GALNT16: variants seen among roughly 807,000 people sequenced by gnomAD.
The protein encoded by GALNT16 is polypeptide N-acetylgalactosaminyltransferase 16.
GALNT16 carries 40 observed loss-of-function variants against 76.1 expected under a neutral mutation model. The observed-to-expected ratio is 0.53, with a 90% CI of 0.41 to 0.68. GALNT16 has a LOEUF of 0.68. GALNT16 is among the 30% of genes least tolerant of loss of function. The pLI, the probability that GALNT16 is intolerant of heterozygous loss-of-function variation, is 0.00. For missense variants in GALNT16, 621 were observed against 731.9 expected (o/e 0.85, Z 1.75); for synonymous variants, 276 against 285.2 (o/e 0.97, Z 0.32).
At chr14:69,363,723 G>A in the GALNT16 span, among the ~76,000 whole-genome samples, 2 of 146,632 alleles carry the variant, frequency 1.4e-5, no homozygotes, top group Non-Finnish European at 3.0e-5. Flanking sequence ...GAGGCAAGAT[G>A]AGCCTCTCCT....
In GALNT16 at chr14:69,339,491, C is replaced by G. The variant is rs750146217; in HGVS notation, c.1095-36C>G. ...CCTGACCGCTAACCCTGTTGCTTCC[C>G]TGGTGACCTTATTTTGCTCTTTCCT... is the stretch of plus-strand genomic sequence containing the variant. On this transcript the variant is annotated intron_variant, in intron 10 of 14. Transcript: ENST00000448469. 9 of 1,276,030 alleles carry G rather than the reference C, an allele frequency of 7.1e-6. 1 individual carries two copies. In the South Asian group the frequency reaches 1.1e-4, roughly 15 times the overall value. 79.0% of individuals were successfully genotyped at this position (1,276,030 alleles called of 1,614,324 possible).
At chr14:69,267,720 A>G (rs2044358759) in intron 1 of GALNT16, among the ~76,000 whole-genome samples, 1 of 152,090 alleles carries the variant, frequency 6.6e-6, no homozygotes, top group South Asian at 2.1e-4. Context: ...AAGTGATCCC[A>G]CTTCTAGGCT....
At chr14:69,291,083 G>T (rs1426488432) in intron 1 of GALNT16, among the ~76,000 whole-genome samples, 1 of 152,224 alleles carries the variant, frequency 6.6e-6, no homozygotes, top group Non-Finnish European at 1.5e-5. Flanking sequence ...TTGAGGCCAG[G>T]AGTTCGAGAC....
chr14:69,295,540 C>T (rs1049406904), intron 1 of GALNT16, among the ~76,000 whole-genome samples: 1 of 151,648 alleles, frequency 6.6e-6, no homozygotes, highest in African/African-American at 2.4e-5. Context: ...GCCAACATAG[C>T]GAAACTCTGT....
upstream of GALNT16, chr14:69,259,690 A>C (rs2044232177): frequency 2.0e-5 from 3 of 152,786 alleles, no homozygotes; most frequent in African/African-American, 7.2e-5. Context: ...CGCCGAACAC[A>C]CCTTGAATCC....
chr14:69,299,455 A>G (rs1369427987), intron 1 of GALNT16, among the ~76,000 whole-genome samples: 1 of 152,184 alleles, frequency 6.6e-6, no homozygotes, highest in East Asian at 1.9e-4. Context: ...GAGATGCTCC[A>G]CTGTGATGGT....
chr14:69,367,654 A>AG, the GALNT16 span, among the ~76,000 whole-genome samples: 2 of 151,604 alleles, frequency 1.3e-5, no homozygotes, highest in Non-Finnish European at 2.9e-5. Context: ...CAAAAAAAAA[A>AG]AAAAAGAAAA....
At chr14:69,282,553 T>A (rs897130644) in intron 1 of GALNT16, among the ~76,000 whole-genome samples, 2 of 152,156 alleles carry the variant, frequency 1.3e-5, no homozygotes, top group Non-Finnish European at 2.9e-5. Flanking sequence ...ATAAGGATAA[T>A]GTGAACATGG....
chr14:69,351,853 A>T, intron 14 of GALNT16, 178 bp from the exon 15 acceptor site: 1 of 570,644 alleles, frequency 1.8e-6, no homozygotes, highest in East Asian at 3.2e-5. Context: ...TCGAGGCTGC[A>T]GTGAGCTGTG....
At position 69,260,326 on chromosome 14, in the gene GALNT16, G is replaced by C; in HGVS notation, c.36G>C (p.Leu12=). ...TCCGCGCCAATGCCATCGCCATCCT[G>C]ACCGTAGCCTGGATCCTGGGCACTT... is the stretch of plus-strand genomic sequence containing the variant. ...RKIRANAIAI[L]TVAWILGTFY... Residue 12 remains leucine, a synonymous_variant, in exon 1 of 15, where the codon CTG becomes CTC. Transcript: ENST00000448469. 1.9e-6 allele frequency: 3 copies of C among 1,613,064 alleles called. No homozygotes were observed. The highest frequency in any genetic ancestry group is 2.5e-6 in the Non-Finnish European group (3 of 1,179,542).
At chr14:69,292,300 T>G (rs917026794) in intron 1 of GALNT16, among the ~76,000 whole-genome samples, 2 of 152,248 alleles carry the variant, frequency 1.3e-5, no homozygotes, top group Non-Finnish European at 2.9e-5. Flanking sequence ...TGCTCTTAGC[T>G]GGCATGCTGG....
chr14:69,299,784 G>A (rs547634595), intron 1 of GALNT16, among the ~76,000 whole-genome samples: 2 of 152,296 alleles, frequency 1.3e-5, no homozygotes, highest in Admixed American at 1.3e-4. Context: ...CCAGGTCTCT[G>A]GGAGGCCTGT....
downstream of GALNT16, chr14:69,358,920 CT>C (rs1280766139): frequency 6.6e-6 from 1 of 152,276 alleles, no homozygotes; most frequent in East Asian, 1.9e-4. Flanking sequence ...TTGCTTTCTG[CT>C]TTCTCTTGTT....
intron 1 of GALNT16, among the ~76,000 whole-genome samples, chr14:69,320,459 G>T (rs2045161106): frequency 6.6e-6 from 1 of 151,358 alleles, no homozygotes; most frequent in Non-Finnish European, 1.5e-5. Context: ...CTGCACTCCA[G>T]CCTGGGTGAC....
chr14:69,333,326 A>T lies in GALNT16; in HGVS notation c.863+157A>T. On this transcript the variant is annotated intron_variant, in intron 8 of 14. Coordinates refer to ENST00000448469, the MANE Select transcript of GALNT16 (RefSeq NM_001168368.2). This position sits in a 1 kb window ranked among gnomAD's most constrained non-coding sequence, Gnocchi z 4.2. Reference sequence around the variant, plus strand: ...GACCCTGTATGCAGGGACAGCGAGGACAGAGGCCACGGGAACAGATGTGGG... The same window carrying T: ...GACCCTGTATGCAGGGACAGCGAGGTCAGAGGCCACGGGAACAGATGTGGG... 1.4e-6 allele frequency: 1 copy of T among 699,248 alleles called. No individual in the cohort carries two copies. 43.3% of individuals were successfully genotyped at this position (699,248 alleles called of 1,614,324 possible).
chr14:69,275,010 CAGATTCTGTGA>C (rs1370463015), intron 1 of GALNT16, among the ~76,000 whole-genome samples: 5 of 152,336 alleles, frequency 3.3e-5, no homozygotes, highest in African/African-American at 1.2e-4. Context: ...AAGGGGAAAA[CAGATTCTGTGA>C]AGGATCTTAG....
Position 69,348,015 on chromosome 14 carries a change from G to C in GALNT16, c.1539+13G>C, listed in dbSNP as rs1192532792. ...AGAAGGCAAGCAGGTGAGTCTCCTT[G>C]CCTCTGGCCCAGAGGCCCAGCAGCC... On this transcript the variant is annotated intron_variant, in intron 14 of 14. Transcript: ENST00000448469. The C allele has an allele frequency of 1.9e-6, 3 of 1,613,746 alleles. No individual in the cohort carries two copies.
chr14:69,306,490 C>A (rs578201344), intron 1 of GALNT16, among the ~76,000 whole-genome samples: 1 of 152,296 alleles, frequency 6.6e-6, no homozygotes, highest in South Asian at 2.1e-4. Flanking sequence ...CAGCCTATAT[C>A]AAATATTGTA....
intron 12 of GALNT16, among the ~76,000 whole-genome samples, chr14:69,342,967 G>A (rs2045514368): frequency 6.6e-6 from 1 of 152,166 alleles, no homozygotes; most frequent in African/African-American, 2.4e-5. Context: ...AATTAATTTT[G>A]TTGTATCTCC....
Sources: allele counts gnomAD v4.1 joint callset (sites outside exome capture counted in the v4.1 genomes callset), GRCh38; gene constraint gnomAD v4.1.1; non-coding constraint Gnocchi (gnomAD v3.1); transcripts MANE v1.5; gene names NCBI Gene and HGNC (gene_info 2026-07-23, HGNC 2026-07-21).